Variants in TIMMDC1 observed in about 807,000 individuals in gnomAD.
The protein encoded by TIMMDC1 is translocase of inner mitochondrial membrane domain containing 1.
Under a neutral mutation model 32.6 loss-of-function variants are expected in TIMMDC1, and 25 were observed. The ratio of observed to expected loss-of-function variants is 0.77; its 90% CI spans 0.56 to 1.07. The LOEUF (loss-of-function observed/expected upper bound fraction) is 1.07. TIMMDC1 is among the 50% of genes least tolerant of loss of function. TIMMDC1 has a pLI of 0.00. For missense variants in TIMMDC1, 329 were observed against 349.2 expected (o/e 0.94, Z 0.46); for synonymous variants, 130 against 127.6 (o/e 1.02, Z -0.13).
intron 4 of TIMMDC1, among the ~76,000 whole-genome samples, chr3:119,504,801 T>C (rs375350919): frequency 5.9e-5 from 9 of 152,224 alleles, no homozygotes; most frequent in African/African-American, 2.2e-4. Flanking sequence ...AAGTAGATTT[T>C]GGCCAAGCGG....
At chr3:119,521,221 A>C (rs933733028) in intron 6 of TIMMDC1, among the ~76,000 whole-genome samples, 2 of 152,206 alleles carry the variant, frequency 1.3e-5, no homozygotes. Context: ...ACATAGTATT[A>C]GAAATCCTAG....
intron 5 of TIMMDC1, among the ~76,000 whole-genome samples, chr3:119,514,388 A>G (rs955906742): frequency 6.6e-6 from 1 of 152,152 alleles, no homozygotes; most frequent in Non-Finnish European, 1.5e-5. Flanking sequence ...CTTCACCCCC[A>G]TATATATCAG....
intron 5 of TIMMDC1, among the ~76,000 whole-genome samples, 164 bp downstream of exon 5, chr3:119,513,883 C>T (rs567940602): frequency 6.6e-6 from 1 of 152,256 alleles, no homozygotes; most frequent in East Asian, 1.9e-4. Flanking sequence ...TCTAATTCTA[C>T]CCCAATAGTT....
At position 119,498,746 on chromosome 3, in the gene TIMMDC1, C is replaced by G. The variant is rs2081843337; in HGVS notation, c.13C>G (p.Pro5Ala). 1.2e-6 allele frequency: 2 copies of G among 1,614,176 alleles called. No homozygotes were observed. The highest frequency in any genetic ancestry group is 1.7e-6 in the Non-Finnish European group (2 of 1,179,996). Residue 5 changes from proline (P) to alanine (A), a missense_variant, in exon 1 of 7, where the codon CCA becomes GCA. By Grantham distance (27) the Pro-to-Ala change is conservative. Transcript: ENST00000494664. MEVP[P>A]PAPRSFLCRA... Reference sequence around the variant, plus strand: ...TCGAGAGAAGGCCATGGAGGTGCCGCCACCGGCACCGCGGAGCTTTCTCTG... The same window carrying G: ...TCGAGAGAAGGCCATGGAGGTGCCGGCACCGGCACCGCGGAGCTTTCTCTG...
intron 1 of TIMMDC1, 25 bp from the exon 2 acceptor site, chr3:119,500,667 AAAC>A (rs1553778853): frequency 1.1e-5 from 18 of 1,600,384 alleles, no homozygotes; most frequent in Non-Finnish European, 1.5e-5. Flanking sequence ...AACTAATCCC[AAAC>A]AACATTGTCT....
intron 2 of TIMMDC1, among the ~76,000 whole-genome samples, chr3:119,503,169 T>C (rs146802608): frequency 6.6e-6 from 1 of 152,326 alleles, no homozygotes; most frequent in East Asian, 1.9e-4. Context: ...TTCAAAGGAA[T>C]TGCTCATTGG....
intron 5 of TIMMDC1, among the ~76,000 whole-genome samples, chr3:119,514,579 A>G (rs541819636): frequency 1.3e-5 from 2 of 152,312 alleles, no homozygotes; most frequent in South Asian, 4.1e-4. Flanking sequence ...AGATTAATGT[A>G]TTTTTGTCAG....
intron 1 of TIMMDC1, chr3:119,500,425 C>T (rs1455095201): frequency 3.0e-6 from 1 of 335,622 alleles, no homozygotes; most frequent in Non-Finnish European, 5.4e-6. Context: ...GAAATGGCAA[C>T]TATTGTAACA....
intron 6 of TIMMDC1, among the ~76,000 whole-genome samples, chr3:119,523,257 G>A (rs2107736783): frequency 6.6e-6 from 1 of 152,242 alleles, no homozygotes; most frequent in East Asian, 1.9e-4. Flanking sequence ...CCCAGCCCTG[G>A]GAGCAAGAGG....
chr3:119,504,518 A>G (rs1448943060), intron 4 of TIMMDC1, among the ~76,000 whole-genome samples: 3 of 152,148 alleles, frequency 2.0e-5, no homozygotes, highest in Non-Finnish European at 4.4e-5. Flanking sequence ...GGTGAGGACT[A>G]TAGGAATGGA....
At position 119,502,761 on chromosome 3, in the gene TIMMDC1, A is replaced by G. The variant is rs376424107; in HGVS notation, c.361-771A>G. ...TTTTTTGTAAAGGCAGGATCTCGCT[A>G]TGTTGCCCAGGCTGGTCTTAAACTT... On this transcript the variant is annotated intron_variant, in intron 2 of 6. Coordinates refer to ENST00000494664, the MANE Select transcript of TIMMDC1 (RefSeq NM_016589.4). Among the ~76,000 whole-genome samples, 22 of 151,138 alleles carry G rather than the reference A, an allele frequency of 1.5e-4. No homozygotes were observed. In the South Asian group the frequency reaches 1.7e-3, roughly 12 times the overall value.
In TIMMDC1 at chr3:119,498,739, G is replaced by T. The variant is rs2081843090; in HGVS notation, c.6G>T (p.Glu2Asp). The T allele has an allele frequency of 1.9e-6, 3 of 1,614,170 alleles. No homozygotes were observed. Among genetic ancestry groups the T allele is most frequent in the Non-Finnish European group, 2.5e-6 (3 of 1,180,002 alleles). The change falls in exon 1 of 7, where the codon GAG becomes GAT. Residue 2 changes from glutamate (E) to aspartate (D), a missense_variant. By Grantham distance (45) the Glu-to-Asp change is conservative (BLOSUM62 2). Coordinates refer to ENST00000494664, the MANE Select transcript of TIMMDC1 (RefSeq NM_016589.4). ...CCGTAGGTCGAGAGAAGGCCATGGA[G>T]GTGCCGCCACCGGCACCGCGGAGCT... is the stretch of plus-strand genomic sequence containing the variant. MEVPPPAPRSFL... is the reference protein window; with the variant it reads MDVPPPAPRSFL...
At chr3:119,499,519 G>A (rs2081853795) in intron 1 of TIMMDC1, among the ~76,000 whole-genome samples, 1 of 151,464 alleles carries the variant, frequency 6.6e-6, no homozygotes, top group Admixed American at 6.6e-5. Flanking sequence ...CCAGGTTCAA[G>A]CGGTTCTCCT....
intron 6 of TIMMDC1, among the ~76,000 whole-genome samples, chr3:119,520,821 A>G (rs1454201332): frequency 1.3e-5 from 2 of 152,232 alleles, no homozygotes; most frequent in African/African-American, 4.8e-5. Context: ...AATGTATTCT[A>G]CAAAACAATC....
chr3:119,506,917 C>T (rs1437953107), intron 4 of TIMMDC1, among the ~76,000 whole-genome samples: 3 of 152,170 alleles, frequency 2.0e-5, no homozygotes, highest in East Asian at 1.9e-4. Context: ...TAATTTTGTT[C>T]GGCTCCTACT....
At chr3:119,518,395 A>G (rs1158419745) in intron 6 of TIMMDC1, among the ~76,000 whole-genome samples, 1 of 151,980 alleles carries the variant, frequency 6.6e-6, no homozygotes, top group African/African-American at 2.4e-5. Context: ...CATTTCTGCT[A>G]ACCACACACA....
At chr3:119,499,088 C>CTTT in intron 1 of TIMMDC1, 161 bp downstream of exon 1, 1 of 492,792 alleles carries the variant, frequency 2.0e-6, no homozygotes, top group Non-Finnish European at 3.4e-6. Context: ...TATCTTTTTT[C>CTTT]TTTCTTTTTT....
At chr3:119,508,032 A>G (rs76246320) in intron 4 of TIMMDC1, among the ~76,000 whole-genome samples, 17,433 of 152,238 alleles carry the variant, frequency 0.11, 1,183 homozygotes, top group South Asian at 0.18. Context: ...CAAAACCCCA[A>G]TAGTTTGGGC....
At chr3:119,507,435 ATTC>A (rs2081925226) in intron 4 of TIMMDC1, among the ~76,000 whole-genome samples, 1 of 152,108 alleles carries the variant, frequency 6.6e-6, no homozygotes, top group Non-Finnish European at 1.5e-5. Flanking sequence ...CCAGTCTACT[ATTC>A]TTCAGTTCTG....
Sources: allele counts gnomAD v4.1 joint callset (sites outside exome capture counted in the v4.1 genomes callset), GRCh38; gene constraint gnomAD v4.1.1; transcripts MANE v1.5; gene names NCBI Gene and HGNC (gene_info 2026-07-23, HGNC 2026-07-21).